Variants in CTNNA2 observed in about 807,000 individuals in gnomAD.
CTNNA2 encodes the protein catenin alpha-2.
CTNNA2 carries 42 observed loss-of-function variants against 101.0 expected under a neutral mutation model. That is an observed-to-expected ratio of 0.42 (90% CI 0.32 to 0.54). The LOEUF (loss-of-function observed/expected upper bound fraction) is 0.54. Among genes scored for constraint, CTNNA2 ranks in the 20% least tolerant of loss-of-function variants. CTNNA2 has a pLI of 0.14. For synonymous variants in CTNNA2, 450 were observed against 456.4 expected, an observed-to-expected ratio of 0.99 and a Z score of 0.18; for missense variants, 871 against 1,223.1, an observed-to-expected ratio of 0.71 and a Z score of 4.29.
At chr2:79,523,327 T>G (rs1401297903) in intron 1 of CTNNA2, 3 of 387,710 alleles carry the variant, frequency 7.7e-6, no homozygotes, top group South Asian at 6.0e-5. Flanking sequence ...TAGCTGTGTA[T>G]ATACATATAT....
chr2:79,333,658 G>C (rs978199395), intron 3 of CTNNA2, among the ~76,000 whole-genome samples: 4 of 151,952 alleles, frequency 2.6e-5, no homozygotes, highest in Non-Finnish European at 4.4e-5. Flanking sequence ...TCTGCTCTAG[G>C]ATTCACAGAA....
At chr2:80,037,615 A>G (rs1439089288) in intron 7 of CTNNA2, among the ~76,000 whole-genome samples, 1 of 152,200 alleles carries the variant, frequency 6.6e-6, no homozygotes, top group Non-Finnish European at 1.5e-5. Flanking sequence ...CAAGAGCATC[A>G]TGACTTTATG....
intron 2 of CTNNA2, among the ~76,000 whole-genome samples, chr2:79,671,883 A>G (rs2104587570): frequency 6.6e-6 from 1 of 152,298 alleles, no homozygotes; most frequent in Admixed American, 6.5e-5. Context: ...CTAAAGGTAA[A>G]AGGTTTTCTT....
At chr2:80,423,620 A>T (rs1219927870) in intron 9 of CTNNA2, among the ~76,000 whole-genome samples, 1 of 152,176 alleles carries the variant, frequency 6.6e-6, no homozygotes, top group Non-Finnish European at 1.5e-5. Context: ...AGCCCCCAAC[A>T]CATCCAAAAT....
chr2:80,536,111 G>A (rs1401873275), intron 9 of CTNNA2, among the ~76,000 whole-genome samples: 5 of 152,140 alleles, frequency 3.3e-5, no homozygotes, highest in Non-Finnish European at 5.9e-5. Context: ...TGTATTATAG[G>A]AGTCATGTTC....
At chr2:79,775,867 C>G (rs1254920510) in intron 3 of CTNNA2, among the ~76,000 whole-genome samples, 2 of 152,122 alleles carry the variant, frequency 1.3e-5, no homozygotes, top group Non-Finnish European at 1.5e-5. Flanking sequence ...TCTAAATTTA[C>G]TATTGAAATC....
intron 2 of CTNNA2, among the ~76,000 whole-genome samples, chr2:79,299,340 T>C (rs1676054269): frequency 6.6e-6 from 1 of 152,182 alleles, no homozygotes; most frequent in East Asian, 1.9e-4. Flanking sequence ...CCTGTCAGCA[T>C]TATTCTGATT....
At chr2:80,503,251 A>T (rs535951118) in intron 9 of CTNNA2, among the ~76,000 whole-genome samples, 4 of 152,308 alleles carry the variant, frequency 2.6e-5, no homozygotes, top group African/African-American at 9.6e-5. Context: ...TCTTTCAATC[A>T]TAGGATATTA....
chr2:79,775,314 A>G (rs1673880116), intron 3 of CTNNA2, among the ~76,000 whole-genome samples: 4 of 152,224 alleles, frequency 2.6e-5, no homozygotes, highest in Middle Eastern at 3.4e-3. Flanking sequence ...CTCTATTTTT[A>G]ACTTTTCCCT....
intron 9 of CTNNA2, among the ~76,000 whole-genome samples, chr2:80,433,595 G>A (rs933884485): frequency 5.3e-5 from 8 of 152,060 alleles, no homozygotes; most frequent in Non-Finnish European, 1.2e-4. Context: ...GAAAGGGAAA[G>A]CAGGGAACCT....
chr2:79,776,923 A>G (rs1291206139), intron 3 of CTNNA2: 1 of 152,162 alleles, frequency 6.6e-6, no homozygotes, highest in Non-Finnish European at 1.5e-5. Context: ...AGTAACCTAG[A>G]GCATGTAAGT....
chr2:79,576,578 G>A (rs934213072), intron 1 of CTNNA2, among the ~76,000 whole-genome samples: 2 of 152,104 alleles, frequency 1.3e-5, no homozygotes, highest in Non-Finnish European at 1.5e-5. Flanking sequence ...AGTGCTGCTT[G>A]TAAGACTAGG....
At chr2:79,869,440 A>G (rs1383432093) in intron 4 of CTNNA2, among the ~76,000 whole-genome samples, 1 of 151,982 alleles carries the variant, frequency 6.6e-6, no homozygotes, top group Non-Finnish European at 1.5e-5. Flanking sequence ...TTGTTTGTAA[A>G]CCATTTTCTC....
intron 1 of CTNNA2, among the ~76,000 whole-genome samples, chr2:79,637,644 A>G (rs549348853): frequency 6.6e-6 from 1 of 152,210 alleles, no homozygotes; most frequent in Non-Finnish European, 1.5e-5. Context: ...ATGGCCCCTA[A>G]ACACTCAGTT....
chr2:79,473,718 A>G, intron 4 of CTNNA2, among the ~76,000 whole-genome samples: 1 of 152,222 alleles, frequency 6.6e-6, no homozygotes, highest in Non-Finnish European at 1.5e-5. Context: ...GAGAAATGTC[A>G]TCATGTGGTG....
At chr2:79,720,136 T>G (rs1686383327) in intron 2 of CTNNA2, among the ~76,000 whole-genome samples, 1 of 152,170 alleles carries the variant, frequency 6.6e-6, no homozygotes, top group African/African-American at 2.4e-5. Flanking sequence ...CCAGCACCAT[T>G]TATTGAATAA....
chr2:80,481,050 A>C (rs535155360), intron 9 of CTNNA2, among the ~76,000 whole-genome samples: 1 of 152,250 alleles, frequency 6.6e-6, no homozygotes, highest in South Asian at 2.1e-4. Flanking sequence ...GCTACTAATT[A>C]GTTGAAAACT....
chr2:80,604,453 C>T (rs138713249), intron 16 of CTNNA2, among the ~76,000 whole-genome samples: 3 of 151,912 alleles, frequency 2.0e-5, no homozygotes, highest in Non-Finnish European at 4.4e-5. Context: ...TGAAGAGTCA[C>T]GGATTGTCCC....
intron 7 of CTNNA2, among the ~76,000 whole-genome samples, chr2:79,962,362 T>G (rs555274188): frequency 3.9e-5 from 6 of 152,260 alleles, no homozygotes; most frequent in Non-Finnish European, 8.8e-5. Context: ...AATCGTATTA[T>G]TCATGACCTA....
Sources: allele counts gnomAD v4.1 joint callset (sites outside exome capture counted in the v4.1 genomes callset), GRCh38; gene constraint gnomAD v4.1.1; transcripts MANE v1.5; gene names NCBI Gene and HGNC (gene_info 2026-07-23, HGNC 2026-07-21).